The following SPRY3 variants were observed in gnomAD, a reference collection of about 807,000 sequenced individuals.
SPRY3 encodes protein sprouty homolog 3.
A neutral mutation model predicts 20.2 loss-of-function variants in SPRY3; 15 were observed. The observed-to-expected ratio is 0.74, with a 90% CI of 0.50 to 1.14. The LOEUF (loss-of-function observed/expected upper bound fraction) is 1.14. SPRY3 is among the 50% of genes most tolerant of loss of function. SPRY3 has a pLI of 0.00. For synonymous variants in SPRY3, 143 were observed against 136.5 expected, an observed-to-expected ratio of 1.05 and a Z score of -0.33; for missense variants, 364 against 363.9, an observed-to-expected ratio of 1.00 and a Z score of 0.00.
intron 2 of SPRY3, among the ~76,000 whole-genome samples, chrX:155,728,664 G>A (rs2091115044): frequency 1.3e-5 from 2 of 152,176 alleles, no homozygotes; most frequent in Non-Finnish European, 2.9e-5. Flanking sequence ...AAGACCATGG[G>A]AAAAGCACAG....
At chrX:155,735,842 C>G (rs754669563) in intron 2 of SPRY3, among the ~76,000 whole-genome samples, 2 of 151,462 alleles carry the variant, frequency 1.3e-5, no homozygotes, top group Admixed American at 1.3e-4. Flanking sequence ...TAATATGTAC[C>G]TTTTTATAAT....
intron 2 of SPRY3, among the ~76,000 whole-genome samples, chrX:155,732,387 G>A (rs1466921467): frequency 6.6e-6 from 1 of 151,878 alleles, no homozygotes; most frequent in Non-Finnish European, 1.5e-5. Flanking sequence ...GATACAAATG[G>A]CAGTCATATG....
At chrX:155,709,969 G>T (rs192576915) in intron 2 of SPRY3, among the ~76,000 whole-genome samples, 16 of 151,720 alleles carry the variant, frequency 1.1e-4, no homozygotes, top group African/African-American at 3.9e-4. Context: ...TGAGTTCACT[G>T]TAGGTATGTG....
rs528376128 is a variant in SPRY3, at chrX:155,744,775, C to T, written c.-281-23187C>T. On this transcript the variant is annotated intron_variant, in intron 2 of 3. Transcript: ENST00000675360. ...TAGAAACCTGCTGCACCACTCTTAG[C>T]AAACTCCTTTTGTTTGACCTGGGGC... Among the ~76,000 whole-genome samples the T allele has an allele frequency of 2.5e-4, 38 of 152,136 alleles. No homozygotes were observed. In the South Asian group the frequency reaches 7.7e-3, roughly 31 times the overall value.
At chrX:155,671,035 A>G (rs1038347784) in intron 2 of SPRY3, among the ~76,000 whole-genome samples, 6 of 111,525 alleles carry the variant, frequency 5.4e-5, no homozygotes, top group African/African-American at 2.0e-4. Context: ...ATACAATGTG[A>G]CATTTATCTC....
intron 2 of SPRY3, among the ~76,000 whole-genome samples, chrX:155,658,818 G>A (rs1381350794): frequency 9.0e-6 from 1 of 111,651 alleles, no homozygotes; most frequent in Non-Finnish European, 1.9e-5. Context: ...GTTGGCTATG[G>A]GTTTATTATA....
At chrX:155,675,784 C>T (rs922286456) in intron 2 of SPRY3, among the ~76,000 whole-genome samples, 2 of 111,694 alleles carry the variant, frequency 1.8e-5, no homozygotes, top group African/African-American at 6.5e-5. Context: ...AAGAAAGCTG[C>T]TTGTCTTAGT....
chrX:155,749,099 C>T (rs1193639698), intron 2 of SPRY3, among the ~76,000 whole-genome samples: 1 of 151,840 alleles, frequency 6.6e-6, no homozygotes, highest in Non-Finnish European at 1.5e-5. Context: ...TAATTAAATA[C>T]CTTGGATCCA....
chrX:155,651,308 C>G (rs1318348984), intron 1 of SPRY3, among the ~76,000 whole-genome samples: 1 of 110,852 alleles, frequency 9.0e-6, no homozygotes, highest in Non-Finnish European at 1.9e-5. Context: ...ATCTGCCCAC[C>G]TCAGCCTCCC....
intron 2 of SPRY3, among the ~76,000 whole-genome samples, chrX:155,716,540 A>G (rs1167530021): frequency 6.6e-6 from 1 of 151,892 alleles, no homozygotes; most frequent in Non-Finnish European, 1.5e-5. Context: ...TTTAGGTAAT[A>G]TATTTCATCA....
At chrX:155,767,571 T>C (rs2091341395) in intron 2 of SPRY3, among the ~76,000 whole-genome samples, 2 of 93,398 alleles carry the variant, frequency 2.1e-5, no homozygotes, top group African/African-American at 4.3e-5. Context: ...GGGGAGGAGG[T>C]AAAGGAGGAA....
At chrX:155,724,986 A>T (rs1275106979) in intron 2 of SPRY3, among the ~76,000 whole-genome samples, 1 of 152,172 alleles carries the variant, frequency 6.6e-6, no homozygotes, top group Non-Finnish European at 1.5e-5. Context: ...ATTTTGAGAT[A>T]CATTCCATCA....
intron 2 of SPRY3, among the ~76,000 whole-genome samples, chrX:155,680,191 T>TGTGTGTGTGTGTGTGTGTG (rs2068070083): frequency 2.4e-5 from 2 of 83,625 alleles, no homozygotes; most frequent in African/African-American, 4.4e-5. Context: ...TGTGTGTGTG[T>TGTGTGTGTGTGTGTGTGTG]TTGAGGGAGA....
intron 2 of SPRY3, among the ~76,000 whole-genome samples, chrX:155,734,343 T>C (rs1395730181): frequency 3.3e-5 from 5 of 151,988 alleles, no homozygotes; most frequent in Non-Finnish European, 7.4e-5. Context: ...AGATGAGGGA[T>C]GGCCAGTCAG....
At chrX:155,692,072 T>C (rs757262406) in intron 2 of SPRY3, among the ~76,000 whole-genome samples, 1 of 108,336 alleles carries the variant, frequency 9.2e-6, no homozygotes, top group East Asian at 2.9e-4. Flanking sequence ...TTACTCATAT[T>C]GGGAGCTTAA....
At chrX:155,723,640 T>C (rs2091077686) in intron 2 of SPRY3, among the ~76,000 whole-genome samples, 1 of 152,190 alleles carries the variant, frequency 6.6e-6, no homozygotes, top group African/African-American at 2.4e-5. Context: ...GTTTGTTTTT[T>C]TCTTGTAAAT....
At chrX:155,777,494 T>G (rs2091434678), downstream of SPRY3, 1 of 166,548 alleles carries the variant, frequency 6.0e-6, no homozygotes, top group Admixed American at 6.6e-5. Flanking sequence ...AGTTGCAATC[T>G]GCAATCTGCT....
rs371698358 is a variant in SPRY3 at position 155,770,628 on chromosome X, TTCTCTCTC to T, written c.-107+2513_-107+2520del. ...TATTTAATAATATGTGATGTGTACA[TTCTCTCTC>T]TCTCTCTCTCTCTCTCTCTCATTTG... is the stretch of plus-strand genomic sequence containing the variant. On this transcript the variant is annotated intron_variant, in intron 3 of 3. Coordinates refer to ENST00000675360, the Ensembl canonical transcript of SPRY3. Among the ~76,000 whole-genome samples the T allele has an allele frequency of 7.9e-3, 1,165 of 146,544 alleles. 7 individuals carry two copies. The highest frequency in any genetic ancestry group is 0.035 in the Middle Eastern group (10 of 286).
intron 2 of SPRY3, among the ~76,000 whole-genome samples, chrX:155,738,294 C>T (rs1268880665): frequency 6.6e-6 from 1 of 151,814 alleles, no homozygotes; most frequent in Non-Finnish European, 1.5e-5. Flanking sequence ...GTCACAACTG[C>T]AATAGATAAT....
Sources: allele counts gnomAD v4.1 joint callset (sites outside exome capture counted in the v4.1 genomes callset), GRCh38; gene constraint gnomAD v4.1.1; transcripts MANE v1.5; gene names NCBI Gene and HGNC (gene_info 2026-07-23, HGNC 2026-07-21).